The following KATNIP variants were observed in gnomAD, a reference collection of about 807,000 sequenced individuals.
KATNIP encodes katanin interacting protein.
In KATNIP, 126 loss-of-function variants were observed where a neutral mutation model predicts 174.0. The observed-to-expected ratio is 0.72, with a 90% CI of 0.63 to 0.84. KATNIP has a LOEUF of 0.84. Among genes scored for constraint, KATNIP ranks in the 40% least tolerant of loss-of-function variants. KATNIP has a pLI of 0.00. For missense variants in KATNIP, 1,958 were observed against 2,109.7 expected (o/e 0.93, Z 1.41); for synonymous variants, 810 against 835.7 (o/e 0.97, Z 0.53).
chr16:27,629,910 G>C (rs145759579), intron 4 of KATNIP, among the ~76,000 whole-genome samples: 3 of 152,330 alleles, frequency 2.0e-5, no homozygotes, highest in African/African-American at 7.2e-5. Context: ...CTACTCAGGA[G>C]GCTGAGGCAG....
chr16:27,695,070 G>C (rs1001964567), intron 8 of KATNIP, among the ~76,000 whole-genome samples: 4 of 152,146 alleles, frequency 2.6e-5, no homozygotes, highest in African/African-American at 9.7e-5. Context: ...TCCACAGCTG[G>C]ACTGTTAGGA....
At chr16:27,559,631 T>C (rs181816664) in intron 1 of KATNIP, among the ~76,000 whole-genome samples, 3 of 149,434 alleles carry the variant, frequency 2.0e-5, no homozygotes, top group Non-Finnish European at 3.0e-5. Flanking sequence ...CAGTGAGCTG[T>C]GATCATGCCA....
chr16:27,602,487 T>A (rs2075560604), intron 2 of KATNIP, among the ~76,000 whole-genome samples: 1 of 152,196 alleles, frequency 6.6e-6, no homozygotes, highest in African/African-American at 2.4e-5. Context: ...GTTCCTGCCA[T>A]CTGAAAGCCC....
At chr16:27,595,876 G>A (rs914934818) in intron 2 of KATNIP, among the ~76,000 whole-genome samples, 23 of 152,312 alleles carry the variant, frequency 1.5e-4, no homozygotes, top group African/African-American at 5.5e-4. Context: ...AAGCCACGCA[G>A]ATCTCTGGGA....
rs564162678 is a variant in KATNIP at position 27,632,877 on chromosome 16, A to G, written c.408+1715A>G. Among the ~76,000 whole-genome samples the G allele has an allele frequency of 8.9e-4, 136 of 152,030 alleles. 3 individuals carry two copies. The highest frequency in any genetic ancestry group is 2.4e-4 in the Non-Finnish European group (16 of 67,980). ...GCGATTTTCCTGCCTCAGCCTCCCA[A>G]GTAGCTGGGATTACAGGTGCCTGCC... On this transcript the variant is annotated intron_variant, in intron 5 of 27. Transcript: ENST00000261588.
intron 2 of KATNIP, among the ~76,000 whole-genome samples, chr16:27,612,995 A>T (rs1159171753): frequency 6.6e-6 from 1 of 152,058 alleles, no homozygotes; most frequent in African/African-American, 2.4e-5. Flanking sequence ...ACACTGGCGC[A>T]CGCCTATAAT....
intron 2 of KATNIP, among the ~76,000 whole-genome samples, chr16:27,585,940 G>A (rs2090881161): frequency 6.6e-6 from 1 of 151,688 alleles, no homozygotes; most frequent in Admixed American, 6.6e-5. Flanking sequence ...TGTCTCTACT[G>A]AAAATACAAA....
At chr16:27,731,026 C>T (rs1362477320) in intron 14 of KATNIP, among the ~76,000 whole-genome samples, 2 of 152,154 alleles carry the variant, frequency 1.3e-5, no homozygotes, top group East Asian at 1.9e-4. Flanking sequence ...GTGCCACTAG[C>T]ATTTGAGCAT....
intron 20 of KATNIP, among the ~76,000 whole-genome samples, chr16:27,767,119 C>T (rs2082152573): frequency 6.6e-6 from 1 of 152,078 alleles, no homozygotes; most frequent in Non-Finnish European, 1.5e-5. Flanking sequence ...TGGGTGCCCT[C>T]CAGTCATGTA....
Position 27,569,407 on chromosome 16 carries a change from T to A in KATNIP, c.8-4494T>A, listed in dbSNP as rs1596744935. Among the ~76,000 whole-genome samples the A allele has an allele frequency of 3.9e-5, 6 of 152,388 alleles. 1 individual carries two copies. The highest frequency in any genetic ancestry group is 3.9e-4 in the Admixed American group (6 of 15,310). ...ATTCAATGCAGTCACTTCTTTTTTT[T>A]TCTTTTCCCCAGACAGACATCTGTT... On this transcript the variant is annotated intron_variant, in intron 1 of 27. Coordinates refer to ENST00000261588, the MANE Select transcript of KATNIP (RefSeq NM_015202.5).
chr16:27,661,217 G>A (rs746873912), intron 6 of KATNIP, among the ~76,000 whole-genome samples: 12 of 152,204 alleles, frequency 7.9e-5, no homozygotes, highest in Non-Finnish European at 1.6e-4. Context: ...TGTTCTTAAT[G>A]TGAGAGAATA....
intron 12 of KATNIP, among the ~76,000 whole-genome samples, chr16:27,707,286 C>T (rs968715487): frequency 3.3e-5 from 5 of 152,302 alleles, no homozygotes; most frequent in South Asian, 4.1e-4. Context: ...GTGACTGATC[C>T]GTGGCGACCA....
rs1055712675 is a variant in KATNIP, at chr16:27,739,965, G to T, written c.1744-76G>T. Reference sequence around the variant, plus strand: ...TTTCACATTTTCTTTTCTTTTTTTGGTATCTTCGACTTCCAAAATTTCATA... The same window carrying T: ...TTTCACATTTTCTTTTCTTTTTTTGTTATCTTCGACTTCCAAAATTTCATA... On this transcript the variant is annotated intron_variant, in intron 14 of 27. Transcript: ENST00000261588. 1.8e-5 allele frequency: 26 copies of T among 1,449,208 alleles called. No individual in the cohort carries two copies. In the Admixed American group the frequency reaches 4.5e-4, roughly 25 times the overall value. 89.8% of individuals were successfully genotyped at this position (1,449,208 alleles called of 1,614,324 possible).
chr16:27,558,021 TG>T (rs1194081406), intron 1 of KATNIP, among the ~76,000 whole-genome samples: 1 of 152,214 alleles, frequency 6.6e-6, no homozygotes, highest in Non-Finnish European at 1.5e-5. Context: ...CTTCTCTCAT[TG>T]TGTCTGTCAC....
intron 18 of KATNIP, 101 bp from the exon 19 acceptor site, chr16:27,761,312 C>A: frequency 7.8e-7 from 1 of 1,274,366 alleles, no homozygotes; most frequent in Non-Finnish European, 1.1e-6. Context: ...GTTGAAGTTG[C>A]TAGAATATAG....
At chr16:27,581,280 T>C (rs2090688212) in intron 2 of KATNIP, among the ~76,000 whole-genome samples, 1 of 152,234 alleles carries the variant, frequency 6.6e-6, no homozygotes, top group South Asian at 2.1e-4. Flanking sequence ...CAGACATCCC[T>C]GTGCACATAG....
intron 14 of KATNIP, among the ~76,000 whole-genome samples, chr16:27,738,187 A>G (rs987549801): frequency 1.3e-5 from 2 of 152,238 alleles, no homozygotes; most frequent in Admixed American, 6.5e-5. Flanking sequence ...GACTACATGC[A>G]ACATGATTCC....
chr16:27,551,146 G>T (rs2089344978), intron 1 of KATNIP, among the ~76,000 whole-genome samples: 1 of 152,202 alleles, frequency 6.6e-6, no homozygotes, highest in Non-Finnish European at 1.5e-5. Flanking sequence ...ATGGAAAATA[G>T]GCTATTCTGA....
chr16:27,740,843 G>A lies in KATNIP; in HGVS notation c.2546G>A (p.Arg849His), dbSNP rs566169226. 2.0e-5 allele frequency: 32 copies of A among 1,612,806 alleles called. 1 individual carries two copies. The East Asian group carries it at 2.2e-4, about 11-fold the overall frequency. Residue 849 changes from arginine (R) to histidine (H), a missense_variant, in exon 15 of 28, where the codon CGC becomes CAC. Physicochemically the swap from Arg to His is conservative, Grantham distance 29. This residue lies in a region of KATNIP where 1,557 missense variants were observed against 1,617.8 expected (regional missense o/e 0.96). Coordinates refer to ENST00000261588, the MANE Select transcript of KATNIP (RefSeq NM_015202.5). ...TTTAACCAGCCCCCCAACAGAGAGC[G>A]CCCTGCTAGTGGGAGGAGGGGCTCA... The part of the protein sequence containing the change: ...DIFNQPPNRE[R>H]PASGRRGSRK...
Sources: allele counts gnomAD v4.1 joint callset (sites outside exome capture counted in the v4.1 genomes callset), GRCh38; gene constraint gnomAD v4.1.1; regional missense constraint gnomAD v4.1.1; transcripts MANE v1.5; gene names NCBI Gene and HGNC (gene_info 2026-07-23, HGNC 2026-07-21).